The following MROH9 variants were observed in gnomAD, a reference collection of about 807,000 sequenced individuals.
The protein encoded by MROH9 is maestro heat-like repeat-containing protein family member 9.
In MROH9, 92 loss-of-function variants were observed where a neutral mutation model predicts 98.2. The observed-to-expected ratio is 0.94, with a 90% CI of 0.79 to 1.11. The LOEUF (loss-of-function observed/expected upper bound fraction) is 1.11. MROH9 is among the 50% of genes most tolerant of loss of function. The probability of loss-of-function intolerance (pLI) is 0.00; values close to 1 mark genes in which losing one functional copy is unlikely to be tolerated. For missense variants in MROH9, 1,057 were observed against 1,014.8 expected (o/e 1.04, Z -0.57); for synonymous variants, 397 against 368.9 (o/e 1.08, Z -0.87).
intron 9 of MROH9, among the ~76,000 whole-genome samples, chr1:170,985,638 T>C (rs937490220): frequency 3.3e-5 from 5 of 152,210 alleles, no homozygotes; most frequent in African/African-American, 1.2e-4. Context: ...GAAGAGAATA[T>C]TCTGCCCTCC....
At chr1:170,991,989 A>T (rs1278099402) in intron 11 of MROH9, among the ~76,000 whole-genome samples, 175 bp from the exon 12 acceptor site, 2 of 152,156 alleles carry the variant, frequency 1.3e-5, no homozygotes, top group Non-Finnish European at 2.9e-5. Flanking sequence ...TTTCTAGGAT[A>T]AGAGGTTTGT....
At chr1:171,008,748 C>CA (rs1485888040) in intron 15 of MROH9, among the ~76,000 whole-genome samples, 1 of 152,148 alleles carries the variant, frequency 6.6e-6, no homozygotes, top group Non-Finnish European at 1.5e-5. Flanking sequence ...GCTTGGGCAA[C>CA]ATAGCAAGAC....
intron 20 of MROH9, among the ~76,000 whole-genome samples, chr1:171,059,086 C>G (rs1052103405): frequency 2.0e-5 from 3 of 152,070 alleles, no homozygotes; most frequent in African/African-American, 7.2e-5. Flanking sequence ...TTGCAGTCTA[C>G]CCATCTGAGA....
chr1:170,979,659 A>C (rs184552933), intron 8 of MROH9, among the ~76,000 whole-genome samples: 323 of 152,266 alleles, frequency 2.1e-3, no homozygotes, highest in African/African-American at 7.3e-3. Context: ...TAAATTAGGT[A>C]TTTCTGCTCT....
rs545147644 is a variant in MROH9 at position 170,971,947 on chromosome 1, T to C, written c.616+64T>C. ...AATATGTCCCTCGTTATTCAACTTA[T>C]AGGTCCTGGGAAGGCTCTACGTCTG... On this transcript the variant is annotated intron_variant, in intron 8 of 21. Coordinates refer to ENST00000367759, the MANE Select transcript of MROH9 (RefSeq NM_001163629.2). 8.4e-5 allele frequency: 131 copies of C among 1,561,310 alleles called. 1 individual carries two copies. Among genetic ancestry groups the C allele is most frequent in the Non-Finnish European group, 1.1e-4 (121 of 1,137,938 alleles).
At chr1:171,016,615 G>T (rs1260940100) in intron 17 of MROH9, among the ~76,000 whole-genome samples, 1 of 152,004 alleles carries the variant, frequency 6.6e-6, no homozygotes, top group Non-Finnish European at 1.5e-5. Flanking sequence ...TATCTGGACT[G>T]CCTGGGTTCA....
chr1:171,027,980 T>C (rs1652783789), intron 20 of MROH9, among the ~76,000 whole-genome samples: 1 of 152,220 alleles, frequency 6.6e-6, no homozygotes, highest in African/African-American at 2.4e-5. Flanking sequence ...TTTCTCCCAT[T>C]CTGTAGGTTG....
chr1:170,941,904 T>C (rs1296436347), intron 1 of MROH9, among the ~76,000 whole-genome samples: 1 of 152,182 alleles, frequency 6.6e-6, no homozygotes, highest in Non-Finnish European at 1.5e-5. Context: ...TACATTAAGC[T>C]ATACAGGTCT....
chr1:171,050,394 C>T (rs907309276), intron 20 of MROH9, among the ~76,000 whole-genome samples: 1 of 152,074 alleles, frequency 6.6e-6, no homozygotes, highest in African/African-American at 2.4e-5. Flanking sequence ...GATCTTTCAC[C>T]TCCTTGGTTA....
Position 171,005,159 on chromosome 1 carries a change from T to C in MROH9, c.1596+6885T>C, listed in dbSNP as rs113783992. Reference sequence around the variant, plus strand: ...GACTTACTGCAACCTGTGTCCTCCATGCTCAAGCAATTCTTCCACCTTAGC... The same window carrying C: ...GACTTACTGCAACCTGTGTCCTCCACGCTCAAGCAATTCTTCCACCTTAGC... On this transcript the variant is annotated intron_variant, in intron 15 of 21. Coordinates refer to ENST00000367759, the MANE Select transcript of MROH9 (RefSeq NM_001163629.2). Among the ~76,000 whole-genome samples, 1,046 of 152,180 alleles carry C rather than the reference T, an allele frequency of 6.9e-3. 18 individuals carry two copies. The highest frequency in any genetic ancestry group is 0.024 in the African/African-American group (989 of 41,516).
Position 171,036,347 on chromosome 1 carries a change from G to A in MROH9, c.2281+10927G>A, listed in dbSNP as rs115033961. Among the ~76,000 whole-genome samples the A allele has an allele frequency of 6.9e-3, 1,054 of 152,056 alleles. 12 individuals carry two copies. Among genetic ancestry groups the A allele is most frequent in the African/African-American group, 0.024 (1,014 of 41,510 alleles). On this transcript the variant is annotated intron_variant, in intron 20 of 21. Coordinates refer to ENST00000367759, the MANE Select transcript of MROH9 (RefSeq NM_001163629.2). Reference sequence around the variant, plus strand: ...TATATGTGTACTTTTTCATACATGCGTTATACCTAGATGTTTAAAATTAAA... The same window carrying A: ...TATATGTGTACTTTTTCATACATGCATTATACCTAGATGTTTAAAATTAAA...
At chr1:171,044,962 C>A (rs28838023) in intron 20 of MROH9, among the ~76,000 whole-genome samples, 3 of 69,666 alleles carry the variant, frequency 4.3e-5, no homozygotes, top group African/African-American at 1.0e-4. Flanking sequence ...CCATTTATTT[C>A]TGCTCTGATC....
chr1:170,998,569 T>C, intron 15 of MROH9: 1 of 1,378,208 alleles, frequency 7.3e-7, no homozygotes, highest in East Asian at 2.7e-5. Context: ...GCATGATTGT[T>C]AAAGTATATT....
chr1:170,998,119 C>T (rs755988934), intron 14 of MROH9, 35 bp from the exon 15 acceptor site: 3 of 1,515,888 alleles, frequency 2.0e-6, no homozygotes, highest in Non-Finnish European at 2.7e-6. Context: ...GGTGTTTTCT[C>T]CTTTGCTAAT....
intron 14 of MROH9, among the ~76,000 whole-genome samples, chr1:170,997,624 G>A (rs1338603561): frequency 6.6e-6 from 1 of 152,120 alleles, no homozygotes; most frequent in African/African-American, 2.4e-5. Context: ...TGCCCTTACT[G>A]ATCTGATCCA....
At chr1:171,024,625 C>T (rs1379030163) in intron 18 of MROH9, 24 bp from the exon 19 acceptor site, 2 of 1,539,134 alleles carry the variant, frequency 1.3e-6, no homozygotes, top group Non-Finnish European at 1.8e-6. Flanking sequence ...AATAGATCTT[C>T]ACCGGCCTTT....
intron 20 of MROH9, among the ~76,000 whole-genome samples, chr1:171,037,627 A>C (rs575147903): frequency 6.6e-6 from 1 of 152,174 alleles, no homozygotes; most frequent in South Asian, 2.1e-4. Context: ...TTAAAGTAGA[A>C]AAGTTAGCAT....
intron 15 of MROH9, among the ~76,000 whole-genome samples, chr1:171,006,823 T>TA (rs1389775819): frequency 6.7e-6 from 1 of 148,518 alleles, no homozygotes; most frequent in Non-Finnish European, 1.5e-5. Flanking sequence ...GTTTTGTTAT[T>TA]TTTTTTTTAA....
chr1:171,006,071 C>T (rs1651943031), intron 15 of MROH9, among the ~76,000 whole-genome samples: 1 of 152,182 alleles, frequency 6.6e-6, no homozygotes, highest in Admixed American at 6.5e-5. Context: ...CCTTTTATTT[C>T]AAGTTGAAGA....
Sources: allele counts gnomAD v4.1 joint callset (sites outside exome capture counted in the v4.1 genomes callset), GRCh38; gene constraint gnomAD v4.1.1; transcripts MANE v1.5; gene names NCBI Gene and HGNC (gene_info 2026-07-23, HGNC 2026-07-21).